CCDC141: variants seen among roughly 807,000 people sequenced by gnomAD.
CCDC141 encodes coiled-coil domain containing 141, also known as coiled-coil domain-containing protein 141.
Under a neutral mutation model 181.0 loss-of-function variants are expected in CCDC141, and 168 were observed. That is an observed-to-expected ratio of 0.93 (90% CI 0.82 to 1.05). The LOEUF (loss-of-function observed/expected upper bound fraction) is 1.05. Among genes scored for constraint, CCDC141 ranks in the 50% least tolerant of loss-of-function variants. The pLI is 0.00. For missense variants in CCDC141, 1,902 were observed against 1,788.5 expected, an observed-to-expected ratio of 1.06 and a Z score of -1.14; for synonymous variants, 666 against 642.3, an observed-to-expected ratio of 1.04 and a Z score of -0.56.
chr2:179,042,676 C>A (rs1015769303), intron 2 of CCDC141, among the ~76,000 whole-genome samples: 14 of 152,196 alleles, frequency 9.2e-5, no homozygotes, highest in African/African-American at 2.6e-4. Context: ...TAATGAGAAC[C>A]AAGACACAAT....
chr2:178,944,540 C>T lies in CCDC141; in HGVS notation c.892G>A (p.Ala298Thr). The T allele has an allele frequency of 1.4e-6, 2 of 1,468,172 alleles. No homozygotes were observed. The highest frequency in any genetic ancestry group is 1.3e-5 in the South Asian group (1 of 76,148). 90.9% of individuals were successfully genotyped at this position (1,468,172 alleles called of 1,614,324 possible). A position where few individuals can be genotyped will look rare whatever the true frequency, so the allele number is the denominator to read the frequency against. The change falls in exon 6 of 24, where the codon GCA (alanine) becomes ACA (threonine). Residue 298 changes from alanine to threonine, a missense_variant. Ala to Thr is a moderately conservative substitution (Grantham distance 58). Transcript: ENST00000443758. Reference sequence around the variant, plus strand: ...GTGTCTAATATATCTCTTACCTTTGCTTTTATTATCAGTTCCTCTTGCTTA... The same window carrying T: ...GTGTCTAATATATCTCTTACCTTTGTTTTTATTATCAGTTCCTCTTGCTTA... ...IHKQEELIIK[A>T]KEWNSAVEKL... is the part of the protein sequence containing the mutation.
chr2:179,015,412 A>ATCATATATCTCATATATGTG (rs1559049649), intron 2 of CCDC141, among the ~76,000 whole-genome samples: 5 of 129,828 alleles, frequency 3.9e-5, no homozygotes, highest in African/African-American at 1.5e-4. Flanking sequence ...TCATATATGT[A>ATCATATATCTCATATATGTG]CCATATATCT....
chr2:178,899,250 C>G (rs1687565141), intron 8 of CCDC141, among the ~76,000 whole-genome samples: 1 of 152,134 alleles, frequency 6.6e-6, no homozygotes, highest in Non-Finnish European at 1.5e-5. Context: ...TATACCATGT[C>G]TAAGTATGTG....
At chr2:179,003,181 A>G (rs1294310933) in intron 2 of CCDC141, among the ~76,000 whole-genome samples, 3 of 152,238 alleles carry the variant, frequency 2.0e-5, no homozygotes, top group Non-Finnish European at 2.9e-5. Context: ...AAATGTTGAC[A>G]TAATATTATC....
At chr2:178,921,562 G>GTT (rs199857196) in intron 6 of CCDC141, among the ~76,000 whole-genome samples, 12 of 149,966 alleles carry the variant, frequency 8.0e-5, no homozygotes, top group Admixed American at 6.7e-4. Context: ...GTTTGTTTTT[G>GTT]TTTTTTTTTA....
intron 2 of CCDC141, among the ~76,000 whole-genome samples, chr2:179,033,880 C>T (rs992432274): frequency 2.6e-5 from 4 of 152,154 alleles, no homozygotes; most frequent in African/African-American, 9.7e-5. Context: ...GCCCAACCAA[C>T]ACTGGCTTAA....
chr2:178,888,758 C>T (rs1047795050), intron 8 of CCDC141, 90 bp from the exon 9 acceptor site: 7 of 1,420,212 alleles, frequency 4.9e-6, no homozygotes, highest in Middle Eastern at 4.1e-4. Flanking sequence ...GTTAGGTAGG[C>T]GTTGGTAAAA....
rs1412734781 is a variant in CCDC141, at chr2:179,021,693, A to T, written c.225+25591T>A. 4.6e-5 allele frequency among the ~76,000 whole-genome samples: 7 copies of T among 152,208 alleles called. No homozygotes were observed. The East Asian group carries it at 1.3e-3, about 29-fold the overall frequency. ...GAAAAGCAACTTGGAAAATTCTGACATTGTATTGAATCAGTCCATTTGGAT... is the reference window on the plus strand; with the variant it reads ...GAAAAGCAACTTGGAAAATTCTGACTTTGTATTGAATCAGTCCATTTGGAT... On this transcript the variant is annotated intron_variant, in intron 2 of 23. Coordinates refer to ENST00000443758, the MANE Select transcript of CCDC141 (RefSeq NM_173648.4).
chr2:178,939,924 T>C (rs1689440513), intron 6 of CCDC141, among the ~76,000 whole-genome samples: 1 of 152,162 alleles, frequency 6.6e-6, no homozygotes, highest in African/African-American at 2.4e-5. Context: ...CAATGGAACA[T>C]TAATTCACAG....
intron 5 of CCDC141, among the ~76,000 whole-genome samples, chr2:178,947,323 C>T (rs908699289): frequency 2.6e-5 from 4 of 152,222 alleles, no homozygotes; most frequent in African/African-American, 9.6e-5. Flanking sequence ...TTATGTAGAA[C>T]ATGGTCCCTG....
At chr2:178,938,080 G>A (rs1349036730) in intron 6 of CCDC141, among the ~76,000 whole-genome samples, 1 of 151,722 alleles carries the variant, frequency 6.6e-6, no homozygotes, top group Non-Finnish European at 1.5e-5. Context: ...CTCTGATTTG[G>A]GTTACTTCTT....
At chr2:178,840,950 T>C (rs992864716) in intron 22 of CCDC141, among the ~76,000 whole-genome samples, 15 of 152,226 alleles carry the variant, frequency 9.9e-5, no homozygotes, top group African/African-American at 3.4e-4. Context: ...CCATTAAACA[T>C]GTTTGTTTCT....
intron 2 of CCDC141, among the ~76,000 whole-genome samples, chr2:179,030,906 T>A (rs6729751): frequency 0.03 from 4,509 of 152,148 alleles, 223 homozygotes; most frequent in African/African-American, 0.1. Flanking sequence ...TCAGGCTCTG[T>A]ATGCATTAGT....
At chr2:178,935,924 T>A (rs1227336427) in intron 6 of CCDC141, among the ~76,000 whole-genome samples, 5 of 151,960 alleles carry the variant, frequency 3.3e-5, no homozygotes, top group African/African-American at 9.7e-5. Flanking sequence ...ATGTCCTTTA[T>A]CCACTTTTTA....
At chr2:179,016,967 T>C (rs1465776707) in intron 2 of CCDC141, among the ~76,000 whole-genome samples, 1 of 152,134 alleles carries the variant, frequency 6.6e-6, no homozygotes, top group African/African-American at 2.4e-5. Flanking sequence ...GTCACCATGC[T>C]TCAAGAAGTG....
Position 178,886,751 on chromosome 2 carries a change from C to T in CCDC141, c.1527+1G>A. 7.0e-7 allele frequency: 1 copy of T among 1,427,546 alleles called. No homozygotes were observed. Among genetic ancestry groups the T allele is most frequent in the Non-Finnish European group, 9.4e-7 (1 of 1,064,504 alleles). 88.4% of individuals were successfully genotyped at this position (1,427,546 alleles called of 1,614,324 possible). ...ATAATAATCATTCTCATTTTATTTA[C>T]CTTAGCTTGGATATCTAGTTCCAGA... On this transcript the variant is annotated splice_donor_variant, in intron 10 of 23. Transcript: ENST00000443758. LOFTEE classifies it high-confidence loss of function.
At chr2:178,943,456 T>A (rs1689601613) in intron 6 of CCDC141, among the ~76,000 whole-genome samples, 1 of 152,056 alleles carries the variant, frequency 6.6e-6, no homozygotes, top group South Asian at 2.1e-4. Context: ...GATTTAAGTC[T>A]AAATAAATGC....
intron 7 of CCDC141, among the ~76,000 whole-genome samples, chr2:178,907,253 T>A (rs1688012105): frequency 6.6e-6 from 1 of 152,172 alleles, no homozygotes; most frequent in Admixed American, 6.5e-5. Flanking sequence ...TAAGAAATTA[T>A]CCCCATTATA....
chr2:178,962,117 A>G (rs765322529), intron 4 of CCDC141, among the ~76,000 whole-genome samples: 1 of 152,188 alleles, frequency 6.6e-6, no homozygotes, highest in African/African-American at 2.4e-5. Flanking sequence ...AAATCACAGG[A>G]TAATGAAGCA....
Sources: allele counts gnomAD v4.1 joint callset (sites outside exome capture counted in the v4.1 genomes callset), GRCh38; gene constraint gnomAD v4.1.1; transcripts MANE v1.5; gene names NCBI Gene and HGNC (gene_info 2026-07-23, HGNC 2026-07-21).